Variants in CSMD1 observed in about 807,000 individuals in gnomAD.
The protein encoded by CSMD1 is CUB and Sushi multiple domains 1.
A neutral mutation model predicts 417.5 loss-of-function variants in CSMD1; 213 were observed. The observed-to-expected ratio is 0.51, with a 90% confidence interval of 0.46 to 0.57. CSMD1 has a LOEUF of 0.57. Among genes scored for constraint, CSMD1 ranks in the 20% least tolerant of loss-of-function variants. The probability of loss-of-function intolerance (pLI) is 0.00; values close to 1 mark genes in which losing one functional copy is unlikely to be tolerated. For missense variants in CSMD1, 6,923 were observed against 4,529.7 expected, an observed-to-expected ratio of 1.53 and a Z score of -15.17; for synonymous variants, 2,862 against 1,736.8, an observed-to-expected ratio of 1.65 and a Z score of -16.11.
intron 49 of CSMD1, among the ~76,000 whole-genome samples, chr8:3,074,225 T>C (rs1292123209): frequency 1.3e-5 from 2 of 152,192 alleles, no homozygotes; most frequent in Admixed American, 1.3e-4. Context: ...CTACAAAGGC[T>C]CTCCCTCACA....
intron 3 of CSMD1, among the ~76,000 whole-genome samples, chr8:4,319,740 C>T (rs10102283): frequency 6.6e-5 from 10 of 151,436 alleles, no homozygotes; most frequent in Non-Finnish European, 1.3e-4. Flanking sequence ...TGAGACTTGC[C>T]GGGGGGCCAA....
At chr8:4,290,718 GTTCA>G (rs1385213114) in intron 3 of CSMD1, among the ~76,000 whole-genome samples, 2 of 152,144 alleles carry the variant, frequency 1.3e-5, no homozygotes, top group African/African-American at 4.8e-5. Context: ...CATTGATAAT[GTTCA>G]TTAACTTTAT....
At chr8:3,319,382 T>A (rs1805996518) in intron 23 of CSMD1, among the ~76,000 whole-genome samples, 2 of 152,174 alleles carry the variant, frequency 1.3e-5, no homozygotes, top group South Asian at 4.1e-4. Context: ...TATAATTTTA[T>A]GTCAGTCAAT....
At chr8:4,740,531 G>A (rs1810536387) in intron 1 of CSMD1, among the ~76,000 whole-genome samples, 1 of 152,090 alleles carries the variant, frequency 6.6e-6, no homozygotes. Context: ...TTCAAATATG[G>A]ATAAGACTCA....
At chr8:4,587,619 A>G (rs1585292981) in intron 2 of CSMD1, among the ~76,000 whole-genome samples, 1 of 152,244 alleles carries the variant, frequency 6.6e-6, no homozygotes, top group African/African-American at 2.4e-5. Flanking sequence ...AAATAATTGT[A>G]CTCAGACTCA....
intron 5 of CSMD1, among the ~76,000 whole-genome samples, chr8:3,921,863 G>C (rs1246790699): frequency 6.6e-6 from 1 of 152,166 alleles, no homozygotes; most frequent in Non-Finnish European, 1.5e-5. Flanking sequence ...TGCTGCTGCT[G>C]TGGTCTGGAA....
At chr8:4,222,595 G>A (rs375786234) in intron 3 of CSMD1, among the ~76,000 whole-genome samples, 4 of 152,248 alleles carry the variant, frequency 2.6e-5, no homozygotes, top group South Asian at 4.2e-4. Context: ...CTGATTGTCC[G>A]AAGCCTGGCT....
intron 3 of CSMD1, among the ~76,000 whole-genome samples, chr8:4,380,202 C>G (rs925837910): frequency 2.6e-5 from 4 of 152,282 alleles, no homozygotes; most frequent in East Asian, 1.9e-4. Flanking sequence ...TTACTTCTTT[C>G]CAGACTACAG....
intron 26 of CSMD1, among the ~76,000 whole-genome samples, chr8:3,275,984 C>A (rs1490159558): frequency 6.6e-6 from 1 of 152,192 alleles, no homozygotes. Context: ...AACTGTGTTC[C>A]TTTGGAGGAG....
intron 1 of CSMD1, among the ~76,000 whole-genome samples, chr8:4,673,719 A>C (rs760160920): frequency 2.6e-5 from 4 of 152,184 alleles, no homozygotes; most frequent in Non-Finnish European, 2.9e-5. Flanking sequence ...GGTCAATTAA[A>C]TCTTGACGAC....
chr8:4,020,946 G>T (rs769411740), intron 4 of CSMD1, among the ~76,000 whole-genome samples: 1 of 152,190 alleles, frequency 6.6e-6, no homozygotes, highest in Non-Finnish European at 1.5e-5. Flanking sequence ...CCAACACATT[G>T]TGACGTGGAC....
intron 33 of CSMD1, among the ~76,000 whole-genome samples, chr8:3,197,039 GT>G (rs1172778639): frequency 1.3e-5 from 2 of 152,194 alleles, no homozygotes; most frequent in African/African-American, 4.8e-5. Flanking sequence ...CTCAAGAAGT[GT>G]GGAAAACACA....
intron 1 of CSMD1, among the ~76,000 whole-genome samples, chr8:4,859,061 A>G (rs1801975860): frequency 6.6e-6 from 1 of 151,984 alleles, no homozygotes. Flanking sequence ...CTGGTACCAA[A>G]ACAGAGATAT....
chr8:3,924,756 T>C (rs1367226520), intron 5 of CSMD1, among the ~76,000 whole-genome samples: 3 of 143,390 alleles, frequency 2.1e-5, no homozygotes, highest in Non-Finnish European at 4.7e-5. Flanking sequence ...ATTTTGTTCA[T>C]ATCTTGTTTT....
chr8:2,990,320 G>T (rs570820155), intron 54 of CSMD1, among the ~76,000 whole-genome samples: 1 of 152,126 alleles, frequency 6.6e-6, no homozygotes, highest in African/African-American at 2.4e-5. Flanking sequence ...ATGAGTTAAC[G>T]TGATTGTTTC....
At chr8:4,349,737 C>T (rs1419954877) in intron 3 of CSMD1, among the ~76,000 whole-genome samples, 1 of 151,878 alleles carries the variant, frequency 6.6e-6, no homozygotes, top group African/African-American at 2.4e-5. Flanking sequence ...ATTTATTTGA[C>T]ATTTTTCAAA....
chr8:4,255,042 T>G (rs114318957), intron 3 of CSMD1, among the ~76,000 whole-genome samples: 282 of 152,240 alleles, frequency 1.9e-3, no homozygotes, highest in Middle Eastern at 0.01. Flanking sequence ...CATAGAGGAG[T>G]TGATCAAGCA....
At chr8:3,996,148 T>A (rs750965998) in intron 5 of CSMD1, among the ~76,000 whole-genome samples, 6 of 152,004 alleles carry the variant, frequency 3.9e-5, no homozygotes, top group Non-Finnish European at 2.9e-5. Flanking sequence ...CCACTGATCA[T>A]AGGTTCTAGA....
chr8:4,513,598 G>A (rs1802945424), intron 2 of CSMD1, among the ~76,000 whole-genome samples: 1 of 152,152 alleles, frequency 6.6e-6, no homozygotes, highest in Non-Finnish European at 1.5e-5. Flanking sequence ...GTGTTAAATG[G>A]AGCATGTAAA....
Sources: gnomAD v4.1 joint callset for allele counts (sites outside exome capture counted in the v4.1 genomes callset) on GRCh38, gnomAD v4.1.1 for gene constraint, MANE v1.5 for transcripts, NCBI Gene and HGNC (gene_info 2026-07-23, HGNC 2026-07-21) for gene names.